The following ADAM12 variants were observed in gnomAD, a reference collection of about 807,000 sequenced individuals.
The protein encoded by ADAM12 is ADAM metallopeptidase domain 12.
In ADAM12, 70 loss-of-function variants were observed where a neutral mutation model predicts 106.4. The observed-to-expected ratio is 0.66, with a 90% CI of 0.54 to 0.80. The LOEUF (loss-of-function observed/expected upper bound fraction) is 0.80. ADAM12 is among the 30% of genes least tolerant of loss of function. The probability of loss-of-function intolerance (pLI) is 0.00; values close to 1 mark genes in which losing one functional copy is unlikely to be tolerated. For synonymous variants in ADAM12, 420 were observed against 433.5 expected (o/e 0.97, Z 0.39); for missense variants, 1,010 against 1,171.9 (o/e 0.86, Z 2.02).
At chr10:126,138,754 C>T (rs1462560244) in intron 4 of ADAM12, among the ~76,000 whole-genome samples, 1 of 151,362 alleles carries the variant, frequency 6.6e-6, no homozygotes, top group African/African-American at 2.4e-5. Context: ...TGGCTACTTA[C>T]ACTTCTGGTA....
At chr10:126,333,513 C>A (rs931530197) in intron 1 of ADAM12, among the ~76,000 whole-genome samples, 8 of 152,156 alleles carry the variant, frequency 5.3e-5, no homozygotes, top group Non-Finnish European at 8.8e-5. Context: ...TCTAGTCGAA[C>A]TGTTTGCAGG....
Position 126,098,361 on chromosome 10 carries a change from G to T in ADAM12, c.996+55C>A. 3 of 1,424,446 alleles carry T rather than the reference G, an allele frequency of 2.1e-6. No individual in the cohort carries two copies. In the South Asian group the frequency reaches 3.5e-5, roughly 17 times the overall value. The allele number at this position is 1,424,446 out of a possible 1,614,324, so 88.2% of individuals were successfully genotyped here. A position where few individuals can be genotyped will look rare whatever the true frequency, so the allele number is the denominator to read the frequency against. ...CTTCACAAAGTCTGATAAAAGTAGT[G>T]ACTTCCTGGGGAATCATTATCAAGG... On this transcript the variant is annotated intron_variant, in intron 10 of 22. Transcript: ENST00000448723.
chr10:126,285,756 C>T (rs940343051), intron 2 of ADAM12, among the ~76,000 whole-genome samples: 2 of 152,088 alleles, frequency 1.3e-5, no homozygotes, highest in Admixed American at 6.5e-5. Context: ...CACAGAAAGG[C>T]TTTTTTGGCA....
chr10:126,181,192 C>T (rs777486954), intron 3 of ADAM12, among the ~76,000 whole-genome samples: 10 of 152,116 alleles, frequency 6.6e-5, no homozygotes, highest in Middle Eastern at 6.8e-3. Flanking sequence ...TTGCCTCAGC[C>T]TCCTGAGTAG....
At chr10:126,157,632 C>A (rs867009947) in intron 3 of ADAM12, among the ~76,000 whole-genome samples, 62 of 152,234 alleles carry the variant, frequency 4.1e-4, no homozygotes, top group African/African-American at 1.4e-3. Context: ...AAAACACAGA[C>A]GGGCCCTCAC....
At chr10:126,351,639 G>A (rs1855364097) in intron 1 of ADAM12, among the ~76,000 whole-genome samples, 2 of 152,268 alleles carry the variant, frequency 1.3e-5, no homozygotes, top group South Asian at 4.1e-4. Flanking sequence ...ATGTGATAGA[G>A]AAGGGGGAGG....
chr10:126,069,637 T>C (rs1590366440), intron 12 of ADAM12, among the ~76,000 whole-genome samples: 3 of 152,016 alleles, frequency 2.0e-5, no homozygotes, highest in Admixed American at 2.0e-4. Context: ...ATGGTGGTGG[T>C]GGGGATAATG....
Position 126,259,099 on chromosome 10 carries a change from T to A in ADAM12, c.260+19816A>T, listed in dbSNP as rs1484172744. ...TTAGACTCTGTAGTAAATGGTTTTA[T>A]GGATTTTTGTATTTAATTCCTAAAA... On this transcript the variant is annotated intron_variant, in intron 3 of 22. Transcript: ENST00000448723. Among the ~76,000 whole-genome samples, 4 of 152,304 alleles carry A rather than the reference T, an allele frequency of 2.6e-5. No individual in the cohort carries two copies. The East Asian group carries it at 7.7e-4, about 29-fold the overall frequency.
chr10:126,041,793 G>A, intron 18 of ADAM12: 11 of 1,123,280 alleles, frequency 9.8e-6, no homozygotes, highest in Non-Finnish European at 1.2e-5. Context: ...TGCTGTGGAG[G>A]CTCAGTGAAA....
rs948936509 is a variant in ADAM12, at chr10:126,388,341, C to A, written c.-196G>T. The A allele has an allele frequency of 1.5e-4, 121 of 811,892 alleles. No homozygotes were observed. Among genetic ancestry groups the A allele is most frequent in the Middle Eastern group, 9.2e-4 (2 of 2,170 alleles). 50.3% of individuals were successfully genotyped at this position (811,892 alleles called of 1,614,324 possible). A position where few individuals can be genotyped will look rare whatever the true frequency, so the allele number is the denominator to read the frequency against. On this transcript the variant is annotated 5_prime_UTR_variant, in exon 1 of 23. Transcript: ENST00000448723. This position sits in a 1 kb window ranked among gnomAD's most constrained non-coding sequence, Gnocchi z 4.4. ...TTTCATTTTTAAAAAAGTTTCCCCC[C>A]GTGTGTGTGCGTGCGTGCGCGCGCG...
At chr10:126,230,901 T>G (rs913171543) in intron 3 of ADAM12, among the ~76,000 whole-genome samples, 7 of 152,258 alleles carry the variant, frequency 4.6e-5, no homozygotes, top group African/African-American at 1.2e-4. Context: ...TTAGAGTTTT[T>G]TCCCTTTACC....
chr10:126,133,104 C>T (rs1021299610), intron 5 of ADAM12, among the ~76,000 whole-genome samples: 3 of 152,158 alleles, frequency 2.0e-5, no homozygotes, highest in Admixed American at 6.5e-5. Flanking sequence ...CTAGCTGAAT[C>T]CTGGCTGATT....
chr10:126,117,933 GC>G, intron 6 of ADAM12, 104 bp downstream of exon 6: 1 of 1,313,186 alleles, frequency 7.6e-7, no homozygotes, highest in South Asian at 1.3e-5. Context: ...TCCCCCAGAT[GC>G]CGCATCATCT....
intron 4 of ADAM12, among the ~76,000 whole-genome samples, chr10:126,154,353 T>C (rs1346587622): frequency 6.6e-6 from 1 of 152,222 alleles, no homozygotes; most frequent in Non-Finnish European, 1.5e-5. Flanking sequence ...CTGGGAGAGC[T>C]ACAGCAGCTC....
chr10:126,141,114 G>C (rs1449602768), intron 4 of ADAM12, among the ~76,000 whole-genome samples: 2 of 152,234 alleles, frequency 1.3e-5, no homozygotes, highest in African/African-American at 4.8e-5. Flanking sequence ...ACACCAGAAA[G>C]AGACCCAGCA....
At chr10:126,158,672 G>A (rs67166062) in intron 3 of ADAM12, among the ~76,000 whole-genome samples, 45,378 of 80,484 alleles carry the variant, frequency 0.56, 15,113 homozygotes, top group East Asian at 0.71. Context: ...CACAGAGCAC[G>A]GGGAGAGGAT....
Position 126,169,542 on chromosome 10 carries a change from A to T in ADAM12, c.261-14237T>A, listed in dbSNP as rs948181358. ...AGCACTCATACATAATAGAATCATT[A>T]TTGACTTGCTGCTATTTTAGGATAT... On this transcript the variant is annotated intron_variant, in intron 3 of 22. Coordinates refer to ENST00000448723, the MANE Select transcript of ADAM12 (RefSeq NM_001288973.2). Among the ~76,000 whole-genome samples the T allele has an allele frequency of 2.0e-5, 3 of 152,180 alleles. No homozygotes were observed. In the South Asian group the frequency reaches 6.2e-4, roughly 32 times the overall value.
At chr10:126,204,993 C>A (rs4962516) in intron 3 of ADAM12, among the ~76,000 whole-genome samples, 121,120 of 152,104 alleles carry the variant, frequency 0.8, 48,349 homozygotes, top group Middle Eastern at 0.89. Flanking sequence ...TGGCTCGGGG[C>A]TAGGCACCTG....
chr10:126,013,304 C>CT lies in ADAM12; in HGVS notation c.*3974_*3975insA, dbSNP rs1953601316. On this transcript the variant is annotated 3_prime_UTR_variant, in exon 23 of 23. Coordinates refer to ENST00000448723, the MANE Select transcript of ADAM12 (RefSeq NM_001288973.2). This position sits in a 1 kb window ranked among gnomAD's most constrained non-coding sequence, Gnocchi z 4.3. Reference sequence around the variant, plus strand: ...GAAATGGTTCTCAGCATGGGGCTCCCAAACTTTCTTAGAGTGTCATTTGTT... The same window carrying CT: ...GAAATGGTTCTCAGCATGGGGCTCCCTAAACTTTCTTAGAGTGTCATTTGTT... The CT allele has an allele frequency of 6.6e-6, 1 of 152,218 alleles. No homozygotes were observed. The highest frequency in any genetic ancestry group is 1.5e-5 in the Non-Finnish European group (1 of 68,050). 9.4% of individuals were successfully genotyped at this position (152,218 alleles called of 1,614,324 possible). A position where few individuals can be genotyped will look rare whatever the true frequency, so the allele number is the denominator to read the frequency against.
Sources: gnomAD v4.1 joint callset for allele counts (sites outside exome capture counted in the v4.1 genomes callset) on GRCh38, gnomAD v4.1.1 for gene constraint, Gnocchi (gnomAD v3.1) non-coding constraint, MANE v1.5 for transcripts, NCBI Gene and HGNC (gene_info 2026-07-23, HGNC 2026-07-21) for gene names.